The following COL19A1 variants were observed in gnomAD, a reference collection of about 807,000 sequenced individuals.
COL19A1 encodes collagen type XIX alpha 1 chain.
In COL19A1, 159 loss-of-function variants were observed where a neutral mutation model predicts 190.2. The observed-to-expected ratio is 0.84, with a 90% CI of 0.73 to 0.95. The LOEUF (loss-of-function observed/expected upper bound fraction) is 0.95. COL19A1 is among the 40% of genes least tolerant of loss of function. The pLI is 0.00. For synonymous variants in COL19A1, 509 were observed against 458.9 expected (o/e 1.11, Z -1.39); for missense variants, 1,418 against 1,431.9 (o/e 0.99, Z 0.16).
Position 70,150,022 on chromosome 6 carries a change from C to T in COL19A1, c.2014C>T (p.Leu672=), listed in dbSNP as rs1220295417. 4 of 1,613,764 alleles carry T rather than the reference C, an allele frequency of 2.5e-6. No individual in the cohort carries two copies. In the South Asian group the frequency reaches 4.4e-5, roughly 18 times the overall value. The change falls in exon 30 of 51, where the codon CTG becomes TTG. Residue 672 remains leucine (L), a synonymous_variant. Coordinates refer to ENST00000620364, the MANE Select transcript of COL19A1 (RefSeq NM_001858.6). ...TCCAGGGAGAGATGGAAAGCCAGGCCTGCCAGGCCCCCCAGGTGACCCGGT... is the reference window on the plus strand; with the variant it reads ...TCCAGGGAGAGATGGAAAGCCAGGCTTGCCAGGCCCCCCAGGTGACCCGGT... ...GVPGRDGKPG[L]PGPPGDPIAL...
chr6:70,138,337 TG>T (rs1388643912), intron 19 of COL19A1, among the ~76,000 whole-genome samples: 1 of 152,098 alleles, frequency 6.6e-6, no homozygotes, highest in African/African-American at 2.4e-5. Context: ...GTTCTTTTTG[TG>T]GGGAAAAAGA....
chr6:69,999,624 T>A (rs1356382523), intron 11 of COL19A1, among the ~76,000 whole-genome samples: 1 of 152,128 alleles, frequency 6.6e-6, no homozygotes, highest in Non-Finnish European at 1.5e-5. Context: ...GAGGAAGGGA[T>A]GGAATGAAGA....
At position 69,967,735 on chromosome 6, in the gene COL19A1, G is replaced by T. The variant is rs144363163; in HGVS notation, c.1026+4865G>T. 2.2e-3 allele frequency among the ~76,000 whole-genome samples: 334 copies of T among 152,060 alleles called. 3 individuals carry two copies. The highest frequency in any genetic ancestry group is 7.7e-3 in the African/African-American group (320 of 41,442). On this transcript the variant is annotated intron_variant, in intron 11 of 50. Transcript: ENST00000620364. Reference sequence around the variant, plus strand: ...ATATGTATTTAAATTAGAAAACTGTGTTTAAATATTTATTACTCTGGTTTT... The same window carrying T: ...ATATGTATTTAAATTAGAAAACTGTTTTTAAATATTTATTACTCTGGTTTT...
At chr6:69,898,308 G>A (rs1006194966) in intron 2 of COL19A1, among the ~76,000 whole-genome samples, 2 of 152,140 alleles carry the variant, frequency 1.3e-5, no homozygotes, top group Non-Finnish European at 2.9e-5. Context: ...AAATTGGTGT[G>A]TGCATATCCA....
intron 14 of COL19A1, among the ~76,000 whole-genome samples, chr6:70,051,927 A>G (rs1033140536): frequency 6.6e-6 from 1 of 152,110 alleles, no homozygotes. Context: ...AGCCTGCACT[A>G]TTGATCTCAA....
intron 9 of COL19A1, among the ~76,000 whole-genome samples, chr6:69,941,690 C>CTTT (rs534792473): frequency 2.3e-5 from 3 of 130,558 alleles, no homozygotes; most frequent in African/African-American, 8.5e-5. Flanking sequence ...GTGCTAGTTG[C>CTTT]TTTTTTTTTT....
intron 9 of COL19A1, among the ~76,000 whole-genome samples, chr6:69,939,046 C>T (rs1773291640): frequency 6.6e-6 from 1 of 151,890 alleles, no homozygotes; most frequent in Non-Finnish European, 1.5e-5. Context: ...TGACTGATCC[C>T]TCAAAGCTTC....
Position 69,871,817 on chromosome 6 carries a change from T to C in COL19A1, c.-33+5177T>C, listed in dbSNP as rs1767848657. Among the ~76,000 whole-genome samples the C allele has an allele frequency of 3.4e-5, 5 of 148,766 alleles. No homozygotes were observed. The South Asian group carries it at 1.1e-3, about 33-fold the overall frequency. ...TATTTAGCAAGTCCACCATTTTTTTTTTTTTTTTTTTTTTTGAAACGGAGT... is the reference window on the plus strand; with the variant it reads ...TATTTAGCAAGTCCACCATTTTTTTCTTTTTTTTTTTTTTTGAAACGGAGT... On this transcript the variant is annotated intron_variant, in intron 1 of 50. Transcript: ENST00000620364.
At chr6:70,050,795 A>G (rs547378653) in intron 14 of COL19A1, among the ~76,000 whole-genome samples, 2 of 152,244 alleles carry the variant, frequency 1.3e-5, no homozygotes, top group South Asian at 4.1e-4. Context: ...GATCAATTTG[A>G]AAGTCACGCT....
At position 70,156,682 on chromosome 6, in the gene COL19A1, G is replaced by C. The variant is rs144357283; in HGVS notation, c.2251G>C (p.Glu751Gln). The C allele has an allele frequency of 5.7e-5, 92 of 1,611,788 alleles. No homozygotes were observed. The highest frequency in any genetic ancestry group is 1.7e-6 in the Non-Finnish European group (2 of 1,178,686). Residue 751 changes from glutamate to glutamine, a missense_variant, in exon 34 of 51, where the codon GAG becomes CAG. Physicochemically the swap from Glu to Gln is conservative, Grantham distance 29. Coordinates refer to ENST00000620364, the MANE Select transcript of COL19A1 (RefSeq NM_001858.6). ...ATTGTCTTTTTAGGGAAGCAAAGGA[G>C]AGCGGGGCTACCCTGGGATACCTGG... ...GREGPKGSKG[E>Q]RGYPGIPGEK...
intron 11 of COL19A1, among the ~76,000 whole-genome samples, chr6:69,966,169 G>A (rs981243697): frequency 8.5e-5 from 13 of 152,092 alleles, no homozygotes; most frequent in African/African-American, 1.2e-4. Context: ...GCCCCCGCCC[G>A]GCCAGCTGCC....
chr6:70,124,395 A>G (rs1366543753), intron 17 of COL19A1, among the ~76,000 whole-genome samples: 2 of 152,166 alleles, frequency 1.3e-5, no homozygotes, highest in Non-Finnish European at 2.9e-5. Flanking sequence ...CCCTTGCAAA[A>G]CTTTTAAAGC....
chr6:70,192,081 C>A (rs1766909662), intron 48 of COL19A1, among the ~76,000 whole-genome samples: 1 of 151,950 alleles, frequency 6.6e-6, no homozygotes, highest in Non-Finnish European at 1.5e-5. Context: ...TGGTTGGTTT[C>A]TGAGGAGTCT....
At chr6:70,188,878 G>T (rs1766689787) in intron 47 of COL19A1, among the ~76,000 whole-genome samples, 1 of 152,170 alleles carries the variant, frequency 6.6e-6, no homozygotes, top group Admixed American at 6.5e-5. Flanking sequence ...AAGTAGGGCA[G>T]TTAAAGACAC....
intron 31 of COL19A1, among the ~76,000 whole-genome samples, chr6:70,152,267 A>G (rs1441070642): frequency 1.3e-5 from 2 of 151,900 alleles, no homozygotes; most frequent in African/African-American, 2.4e-5. Context: ...GACTACAGTT[A>G]TATATATATA....
intron 17 of COL19A1, among the ~76,000 whole-genome samples, chr6:70,127,681 T>G (rs1351466663): frequency 6.6e-6 from 1 of 152,180 alleles, no homozygotes; most frequent in Admixed American, 6.5e-5. Flanking sequence ...AAGGCACGTC[T>G]AACATGGTGG....
intron 12 of COL19A1, among the ~76,000 whole-genome samples, chr6:70,027,114 T>C (rs1778770829): frequency 6.6e-6 from 1 of 152,192 alleles, no homozygotes; most frequent in South Asian, 2.1e-4. Flanking sequence ...AGAAATATTG[T>C]CTTAGAATGT....
chr6:70,180,184 C>A, intron 42 of COL19A1, 128 bp from the exon 43 acceptor site: 1 of 1,002,956 alleles, frequency 1.0e-6, no homozygotes, highest in Non-Finnish European at 1.5e-6. Context: ...CCACACCTGG[C>A]CAGAAATGCC....
chr6:69,957,340 A>T (rs1774481686), intron 9 of COL19A1, among the ~76,000 whole-genome samples: 1 of 152,116 alleles, frequency 6.6e-6, no homozygotes, highest in Non-Finnish European at 1.5e-5. Flanking sequence ...AAACTTCTCA[A>T]AGAGGTTATT....
Sources: allele counts gnomAD v4.1 joint callset (sites outside exome capture counted in the v4.1 genomes callset), GRCh38; gene constraint gnomAD v4.1.1; transcripts MANE v1.5; gene names NCBI Gene and HGNC (gene_info 2026-07-23, HGNC 2026-07-21).